CAMKMT: variants seen among roughly 807,000 people sequenced by gnomAD.
CAMKMT encodes the protein CaM KMT.
In CAMKMT, 53 loss-of-function variants were observed where a neutral mutation model predicts 48.0. The observed-to-expected ratio is 1.10, with a 90% CI of 0.89 to 1.39. CAMKMT has a LOEUF of 1.39. Ranked by LOEUF, CAMKMT falls within the 40% of genes most tolerant of loss-of-function variation. The pLI, the probability that CAMKMT is intolerant of heterozygous loss-of-function variation, is 0.00. For synonymous variants in CAMKMT, 165 were observed against 152.3 expected (o/e 1.08, Z -0.61); for missense variants, 428 against 402.7 (o/e 1.06, Z -0.54).
intron 3 of CAMKMT, among the ~76,000 whole-genome samples, chr2:44,530,365 TAATTA>T (rs1666416718): frequency 6.6e-6 from 1 of 152,232 alleles, no homozygotes; most frequent in Non-Finnish European, 1.5e-5. Context: ...TAAAAATATT[TAATTA>T]AATTGTTGAC....
intron 7 of CAMKMT, among the ~76,000 whole-genome samples, chr2:44,735,225 C>G (rs1373341139): frequency 1.3e-5 from 2 of 152,134 alleles, no homozygotes; most frequent in Admixed American, 6.5e-5. Flanking sequence ...TACTTTTAAC[C>G]TAGTTGTGTC....
At chr2:44,620,759 C>T (rs533770838) in intron 3 of CAMKMT, among the ~76,000 whole-genome samples, 1 of 152,276 alleles carries the variant, frequency 6.6e-6, no homozygotes, top group Admixed American at 6.5e-5. Flanking sequence ...CAGATTCTTT[C>T]TTCCAAAAAA....
intron 2 of CAMKMT, among the ~76,000 whole-genome samples, chr2:44,383,175 T>G (rs977082401): frequency 3.3e-5 from 5 of 152,048 alleles, no homozygotes; most frequent in African/African-American, 1.2e-4. Context: ...ATTTTAGTTT[T>G]ATTTTTTGAG....
chr2:44,576,327 T>TAAA (rs569571059), intron 3 of CAMKMT, among the ~76,000 whole-genome samples: 1 of 76,678 alleles, frequency 1.3e-5, no homozygotes, highest in Non-Finnish European at 2.8e-5. Context: ...AAACTCTGTC[T>TAAA]AAAAAAAAAA....
intron 3 of CAMKMT, among the ~76,000 whole-genome samples, chr2:44,395,638 C>T (rs188561316): frequency 1.3e-5 from 2 of 151,970 alleles, no homozygotes; most frequent in African/African-American, 4.8e-5. Context: ...AGTCTTAACT[C>T]CTTATGTAAA....
chr2:44,708,211 A>ATTTTTTTTTTTTTGTTTTTTTT (rs1677672900), intron 6 of CAMKMT, among the ~76,000 whole-genome samples: 2 of 68,180 alleles, frequency 2.9e-5, no homozygotes, highest in Non-Finnish European at 5.1e-5. Context: ...TTTGCTTTGG[A>ATTTTTTTTTTTTTGTTTTTTTT]TTTTTTTTTT....
intron 3 of CAMKMT, among the ~76,000 whole-genome samples, chr2:44,436,810 A>G (rs1349648402): frequency 1.3e-5 from 2 of 152,164 alleles, no homozygotes; most frequent in African/African-American, 4.8e-5. Context: ...TGGATAAATT[A>G]TGGTTCTCTA....
rs370817755 is a variant in CAMKMT, at chr2:44,730,487, T to G, written c.624-13135T>G. On this transcript the variant is annotated intron_variant, in intron 7 of 10. Coordinates refer to ENST00000378494, the MANE Select transcript of CAMKMT (RefSeq NM_024766.5). ...GAGGAACATGTCCTCATTGTACTGC[T>G]GCTCACAGCATCCACTGAGGCTTCA... is the stretch of plus-strand genomic sequence containing the variant. 9.2e-5 allele frequency among the ~76,000 whole-genome samples: 14 copies of G among 152,368 alleles called. 1 individual carries two copies. The South Asian group carries it at 2.7e-3, about 29-fold the overall frequency.
At chr2:44,734,678 G>T (rs1169827174) in intron 7 of CAMKMT, among the ~76,000 whole-genome samples, 2 of 152,112 alleles carry the variant, frequency 1.3e-5, no homozygotes, top group Non-Finnish European at 1.5e-5. Context: ...CTCCCAAAGT[G>T]CTGGATTACA....
At chr2:44,640,690 G>A (rs1673402285) in intron 3 of CAMKMT, among the ~76,000 whole-genome samples, 1 of 152,056 alleles carries the variant, frequency 6.6e-6, no homozygotes, top group Non-Finnish European at 1.5e-5. Context: ...GCTATTATTA[G>A]TACTACTAAT....
chr2:44,607,639 A>G (rs1671358191), intron 3 of CAMKMT, among the ~76,000 whole-genome samples: 1 of 152,216 alleles, frequency 6.6e-6, no homozygotes, highest in Non-Finnish European at 1.5e-5. Flanking sequence ...AATGAAAACC[A>G]AAATAGGTAA....
At chr2:44,439,895 A>G (rs1008643280) in intron 3 of CAMKMT, among the ~76,000 whole-genome samples, 1 of 152,178 alleles carries the variant, frequency 6.6e-6, no homozygotes, top group Non-Finnish European at 1.5e-5. Flanking sequence ...TGAATGCTAT[A>G]AGTCAAGAAA....
chr2:44,601,281 A>G (rs1670971601), intron 3 of CAMKMT, among the ~76,000 whole-genome samples: 2 of 151,958 alleles, frequency 1.3e-5, no homozygotes, highest in Admixed American at 6.6e-5. Context: ...ACATGGAGAA[A>G]CCCCATCTCT....
At chr2:44,402,740 G>GTTTTTTTTTTTTTTTTTTTTT in intron 3 of CAMKMT, among the ~76,000 whole-genome samples, 82 of 94,080 alleles carry the variant, frequency 8.7e-4, no homozygotes, top group South Asian at 1.2e-3. Context: ...TTGTTTTGCT[G>GTTTTTTTTTTTTTTTTTTTTT]TTTTTTTTTT....
intron 3 of CAMKMT, among the ~76,000 whole-genome samples, chr2:44,438,518 A>G (rs1478679871): frequency 6.6e-6 from 1 of 152,184 alleles, no homozygotes; most frequent in Non-Finnish European, 1.5e-5. Context: ...ATTTTTTCCT[A>G]TTCATTTACA....
rs1026990635 is a variant in CAMKMT, at chr2:44,619,796, G to A, written c.377-84487G>A. On this transcript the variant is annotated intron_variant, in intron 3 of 10. Coordinates refer to ENST00000378494, the MANE Select transcript of CAMKMT (RefSeq NM_024766.5). ...ATTGGATTTAGAATTCTGACCCTAT[G>A]GTTTCATACCTATACAATGCTGTGG... Among the ~76,000 whole-genome samples the A allele has an allele frequency of 2.0e-5, 3 of 152,176 alleles. No individual in the cohort carries two copies. In the East Asian group the frequency reaches 5.8e-4, roughly 29 times the overall value.
intron 3 of CAMKMT, among the ~76,000 whole-genome samples, chr2:44,468,805 G>C (rs537956308): frequency 2.1e-4 from 32 of 152,272 alleles, no homozygotes; most frequent in African/African-American, 7.5e-4. Context: ...TATAATCCTA[G>C]GTACTCAGGA....
At chr2:44,373,252 A>C (rs535286560) in intron 2 of CAMKMT, among the ~76,000 whole-genome samples, 6 of 152,312 alleles carry the variant, frequency 3.9e-5, no homozygotes, top group African/African-American at 1.4e-4. Flanking sequence ...TTCAAGTAAT[A>C]ATCTGAAAAA....
At chr2:44,597,372 A>G (rs1251013089) in intron 3 of CAMKMT, among the ~76,000 whole-genome samples, 1 of 152,254 alleles carries the variant, frequency 6.6e-6, no homozygotes, top group Non-Finnish European at 1.5e-5. Context: ...AAATCTGTCC[A>G]TAATTATTTC....
Sources: allele counts gnomAD v4.1 joint callset (sites outside exome capture counted in the v4.1 genomes callset), GRCh38; gene constraint gnomAD v4.1.1; transcripts MANE v1.5; gene names NCBI Gene and HGNC (gene_info 2026-07-23, HGNC 2026-07-21).